STPG2: variants seen among roughly 807,000 people sequenced by gnomAD.
The protein encoded by STPG2 is sperm-tail PG-rich repeat-containing protein 2.
Under a neutral mutation model 54.2 loss-of-function variants are expected in STPG2, and 56 were observed. The ratio of observed to expected loss-of-function variants is 1.03; its 90% confidence interval spans 0.83 to 1.29. The LOEUF is 1.29. Ranked by LOEUF, STPG2 falls within the 50% of genes most tolerant of loss-of-function variation. STPG2 has a pLI of 0.00. For synonymous variants in STPG2, 200 were observed against 181.8 expected, an observed-to-expected ratio of 1.10 and a Z score of -0.81; for missense variants, 596 against 544.9, an observed-to-expected ratio of 1.09 and a Z score of -0.93.
chr4:98,136,148 TAA>T (rs972558728), intron 1 of STPG2, among the ~76,000 whole-genome samples: 3 of 151,582 alleles, frequency 2.0e-5, no homozygotes, highest in African/African-American at 7.3e-5. Context: ...AGGGAAGATA[TAA>T]AAAAGACCCA....
intron 10 of STPG2, among the ~76,000 whole-genome samples, chr4:97,669,233 T>C (rs1463572717): frequency 6.6e-6 from 1 of 152,142 alleles, no homozygotes; most frequent in Non-Finnish European, 1.5e-5. Context: ...TATATACTCA[T>C]GTATATTTTG....
intron 8 of STPG2, among the ~76,000 whole-genome samples, chr4:97,878,068 A>G (rs964079575): frequency 1.3e-5 from 2 of 152,154 alleles, no homozygotes; most frequent in Admixed American, 6.5e-5. Context: ...CTCCAAAATG[A>G]TCTCCTTTGA....
At chr4:97,539,942 C>T (rs1019505340) in intron 4 of STPG2, among the ~76,000 whole-genome samples, 1 of 152,128 alleles carries the variant, frequency 6.6e-6, no homozygotes, top group Non-Finnish European at 1.5e-5. Context: ...AATAAAGACA[C>T]AACATACCAG....
At chr4:98,140,521 G>A (rs1310358967) in intron 1 of STPG2, among the ~76,000 whole-genome samples, 1 of 152,116 alleles carries the variant, frequency 6.6e-6, no homozygotes, top group African/African-American at 2.4e-5. Flanking sequence ...ATGGAAAAGA[G>A]GAACTAATCA....
At chr4:97,887,489 G>A (rs771377950) in intron 8 of STPG2, among the ~76,000 whole-genome samples, 2 of 152,182 alleles carry the variant, frequency 1.3e-5, no homozygotes, top group African/African-American at 2.4e-5. Flanking sequence ...CAACAGTGAT[G>A]ATTTAGGGTA....
intron 4 of STPG2, among the ~76,000 whole-genome samples, chr4:97,498,306 T>C (rs561683611): frequency 5.9e-5 from 9 of 152,092 alleles, no homozygotes; most frequent in African/African-American, 2.2e-4. Flanking sequence ...AAGGTATGTG[T>C]CATTTTTATG....
At chr4:97,794,164 A>C (rs1379667780) in intron 9 of STPG2, among the ~76,000 whole-genome samples, 1 of 152,088 alleles carries the variant, frequency 6.6e-6, no homozygotes, top group African/African-American at 2.4e-5. Context: ...TATTGAATCT[A>C]AGTTAGTATA....
chr4:97,746,650 T>C (rs1725427960), intron 9 of STPG2, among the ~76,000 whole-genome samples: 1 of 151,188 alleles, frequency 6.6e-6, no homozygotes, highest in Non-Finnish European at 1.5e-5. Context: ...AAGGTATTAA[T>C]GACTAGCAGT....
intron 9 of STPG2, among the ~76,000 whole-genome samples, chr4:97,736,190 A>G (rs891600545): frequency 1.3e-5 from 2 of 152,224 alleles, no homozygotes; most frequent in South Asian, 2.1e-4. Flanking sequence ...TATTCTGAAT[A>G]TATACCCAAA....
intron 8 of STPG2, among the ~76,000 whole-genome samples, chr4:97,943,519 C>T (rs866538402): frequency 2.2e-5 from 3 of 137,544 alleles, no homozygotes; most frequent in Admixed American, 1.6e-4. Context: ...ATAAATCACT[C>T]GGGAGTCTTA....
At chr4:97,928,575 A>G (rs1470017653) in intron 8 of STPG2, among the ~76,000 whole-genome samples, 3 of 152,190 alleles carry the variant, frequency 2.0e-5, no homozygotes, top group Non-Finnish European at 2.9e-5. Flanking sequence ...CCCTGGGTCC[A>G]TTCTAAGAAA....
At chr4:98,032,588 C>G (rs1736631906) in intron 5 of STPG2, among the ~76,000 whole-genome samples, 1 of 152,088 alleles carries the variant, frequency 6.6e-6, no homozygotes, top group South Asian at 2.1e-4. Context: ...CCGGACCAAG[C>G]AGACCTAATG....
chr4:97,691,409 C>T (rs1272240304), intron 10 of STPG2, among the ~76,000 whole-genome samples: 1 of 152,008 alleles, frequency 6.6e-6, no homozygotes, highest in African/African-American at 2.4e-5. Context: ...GTTGGCTTTC[C>T]CCCACTTCCT....
At chr4:97,818,163 C>T (rs1440002507) in intron 9 of STPG2, among the ~76,000 whole-genome samples, 3 of 151,804 alleles carry the variant, frequency 2.0e-5, no homozygotes, top group Admixed American at 2.0e-4. Flanking sequence ...AGCCACACCA[C>T]AAGATGTTTG....
intron 8 of STPG2, among the ~76,000 whole-genome samples, chr4:97,938,741 G>T (rs1199223081): frequency 1.3e-5 from 2 of 152,040 alleles, no homozygotes; most frequent in Non-Finnish European, 2.9e-5. Context: ...CAGGTGGGCC[G>T]ACACACCACC....
chr4:97,783,624 A>T (rs1726724236), intron 9 of STPG2, among the ~76,000 whole-genome samples: 1 of 152,200 alleles, frequency 6.6e-6, no homozygotes, highest in African/African-American at 2.4e-5. Flanking sequence ...GCACATTCAC[A>T]TATATGTTTA....
chr4:97,863,070 A>G (rs923925872), intron 8 of STPG2, among the ~76,000 whole-genome samples: 2 of 152,054 alleles, frequency 1.3e-5, no homozygotes, highest in Non-Finnish European at 2.9e-5. Flanking sequence ...TTCAAAAGCT[A>G]GCAGAAGGCA....
intron 8 of STPG2, among the ~76,000 whole-genome samples, chr4:97,919,801 CTTT>C (rs1732028948): frequency 6.6e-6 from 1 of 152,042 alleles, no homozygotes; most frequent in Non-Finnish European, 1.5e-5. Context: ...GGGGGATACT[CTTT>C]TTTAAGAACC....
chr4:97,797,637 G>A (rs139562574), intron 9 of STPG2, among the ~76,000 whole-genome samples: 10 of 152,160 alleles, frequency 6.6e-5, no homozygotes, highest in Non-Finnish European at 1.3e-4. Context: ...AGGGATATTG[G>A]TCTAAAATTC....
Sources: gnomAD v4.1 joint callset for allele counts (sites outside exome capture counted in the v4.1 genomes callset) on GRCh38, gnomAD v4.1.1 for gene constraint, MANE v1.5 for transcripts, NCBI Gene and HGNC (gene_info 2026-07-23, HGNC 2026-07-21) for gene names.